DHRS4L2: variants seen among roughly 807,000 people sequenced by gnomAD.
DHRS4L2 encodes dehydrogenase/reductase 4 like 2, also known as dehydrogenase/reductase SDR family member 4-like 2.
A neutral mutation model predicts 23.9 loss-of-function variants in DHRS4L2; 22 were observed. The observed-to-expected ratio is 0.92, with a 90% CI of 0.66 to 1.31. DHRS4L2 has a LOEUF of 1.31. Among genes scored for constraint, DHRS4L2 ranks in the 40% most tolerant of loss-of-function variants. The pLI is 0.00. For missense variants in DHRS4L2, 385 were observed against 303.3 expected, an observed-to-expected ratio of 1.27 and a Z score of -2.00; for synonymous variants, 141 against 123.7, an observed-to-expected ratio of 1.14 and a Z score of -0.93.
rs1375128179 is a variant in DHRS4L2 at position 23,989,144 on chromosome 14, G to T, written c.128+69G>T. The T allele has an allele frequency of 4.6e-6, 7 of 1,535,576 alleles. No individual in the cohort carries two copies. In the South Asian group the frequency reaches 8.5e-5, roughly 19 times the overall value. On this transcript the variant is annotated intron_variant, in intron 1 of 7. Transcript: ENST00000335125. ...AACATGCACTGGTGTCTCGTCCTTT[G>T]CCTCCAGTGCCCCTGTCCTCAGACC...
chr14:23,989,233 C>G (rs914410117), intron 1 of DHRS4L2, among the ~76,000 whole-genome samples, 158 bp downstream of exon 1: 1 of 147,602 alleles, frequency 6.8e-6, no homozygotes, highest in Non-Finnish European at 1.5e-5. Flanking sequence ...GAAGCCCCTC[C>G]GAATACCCTG....
In DHRS4L2 at chr14:24,006,012, C is replaced by G. The variant is rs1457855748; in HGVS notation, c.*149C>G. On this transcript the variant is annotated 3_prime_UTR_variant, in exon 8 of 8. Transcript: ENST00000335125. Reference sequence around the variant, plus strand: ...CGTCCCGCCTCTGAGGACCGGGAGACAGCCCACAGGCCAGAGTTGGGCTCT... The same window carrying G: ...CGTCCCGCCTCTGAGGACCGGGAGAGAGCCCACAGGCCAGAGTTGGGCTCT... 2.5e-6 allele frequency: 4 copies of G among 1,604,140 alleles called. No individual in the cohort carries two copies. The highest frequency in any genetic ancestry group is 3.4e-6 in the Non-Finnish European group (4 of 1,176,088).
At chr14:23,986,507 TAAA>T (rs33932387), upstream of DHRS4L2, among the ~76,000 whole-genome samples, 4 of 133,654 alleles carry the variant, frequency 3.0e-5, no homozygotes, top group East Asian at 4.0e-4. Flanking sequence ...TAAAGTATAA[TAAA>T]AAAAAAAAAA....
intron 1 of DHRS4L2, among the ~76,000 whole-genome samples, chr14:23,982,213 T>G (rs10140294): frequency 0.19 from 29,052 of 151,544 alleles, 3,376 homozygotes; most frequent in South Asian, 0.25. Context: ...ATTGTGCCCC[T>G]GATTTATTGA....
Position 23,988,975 on chromosome 14 carries a change from T to A in DHRS4L2, c.28T>A (p.Cys10Ser), listed in dbSNP as rs143897302. The A allele has an allele frequency of 5.0e-6, 8 of 1,612,034 alleles. No homozygotes were observed. In the African/African-American group the frequency reaches 8.0e-5, roughly 16 times the overall value. The part of the protein sequence containing the change: MQMARLLGL[C>S]AWARKSVRMA... ...GCAGATGGCCAGGCTGCTAGGCCTC[T>A]GTGCCTGGGCACGGAAGTCGGTGCG... The change falls in exon 1 of 8, where the codon TGT becomes AGT. Residue 10 changes from cysteine to serine, a missense_variant. By Grantham distance (112) the Cys-to-Ser change is moderately radical (BLOSUM62 -1). Coordinates refer to ENST00000335125, the MANE Select transcript of DHRS4L2 (RefSeq NM_198083.4).
At chr14:23,978,111 G>T (rs1156529338) in intron 1 of DHRS4L2, among the ~76,000 whole-genome samples, 4 of 151,296 alleles carry the variant, frequency 2.6e-5, no homozygotes, top group African/African-American at 9.8e-5. Flanking sequence ...TATTATTTTA[G>T]GTTGACAAAT....
intron 1 of DHRS4L2, among the ~76,000 whole-genome samples, chr14:23,972,729 T>C (rs926477373): frequency 1.4e-4 from 22 of 152,104 alleles, no homozygotes; most frequent in African/African-American, 5.1e-4. Context: ...CCGGCACCGG[T>C]CTCTGAATTC....
chr14:23,970,000 C>G (rs141737044), exon 1 of DHRS4L2: 2 of 455,046 alleles, frequency 4.4e-6, no homozygotes, highest in Non-Finnish European at 8.8e-6. Context: ...CCTCACCGCC[C>G]GGGCTTTACT....
At chr14:23,981,711 C>T (rs941130649) in intron 1 of DHRS4L2, among the ~76,000 whole-genome samples, 1 of 151,676 alleles carries the variant, frequency 6.6e-6, no homozygotes, top group African/African-American at 2.4e-5. Flanking sequence ...AGGAATGCAG[C>T]AGAAGAGCAG....
intron 3 of DHRS4L2, among the ~76,000 whole-genome samples, chr14:23,995,616 T>C (rs748934465): frequency 5.9e-5 from 9 of 151,762 alleles, no homozygotes; most frequent in Admixed American, 2.0e-4. Flanking sequence ...TTTAAAAAAA[T>C]AAAATAAAAA....
rs1435139295 is a variant in DHRS4L2, at chr14:24,000,968, G to A, written c.479+35G>A. 25 of 1,611,302 alleles carry A rather than the reference G, an allele frequency of 1.6e-5. 1 individual carries two copies. The highest frequency in any genetic ancestry group is 4.1e-5 in the African/African-American group (3 of 73,422). ...GTGAGAGAGAGCCTGGGTGAGAGGGGACCCCACACAGGCTGAGGGCAGTGG... is the reference window on the plus strand; with the variant it reads ...GTGAGAGAGAGCCTGGGTGAGAGGGAACCCCACACAGGCTGAGGGCAGTGG... On this transcript the variant is annotated intron_variant, in intron 4 of 7. Transcript: ENST00000335125.
In DHRS4L2 at chr14:24,001,444, A is replaced by T. The variant is rs756556457; in HGVS notation, c.592A>T (p.Ile198Leu). Residue 198 changes from isoleucine to leucine, a missense_variant, in exon 6 of 8, where the codon ATA (isoleucine) becomes TTA (leucine). Coordinates refer to ENST00000335125, the MANE Select transcript of DHRS4L2 (RefSeq NM_198083.4). ...ALLGLNNTLA[I>L]ELAPRNIRVN... ...GCTGGGCCTCAACAATACCCTGGCCATAGAGCTGGCCCCAAGGAACATTAG... is the reference window on the plus strand; with the variant it reads ...GCTGGGCCTCAACAATACCCTGGCCTTAGAGCTGGCCCCAAGGAACATTAG... The T allele has an allele frequency of 2.5e-6, 4 of 1,607,448 alleles. No homozygotes were observed. Among genetic ancestry groups the T allele is most frequent in the Non-Finnish European group, 3.4e-6 (4 of 1,179,328 alleles).
chr14:23,996,924 C>A (rs544927192), intron 3 of DHRS4L2, among the ~76,000 whole-genome samples: 1 of 152,088 alleles, frequency 6.6e-6, no homozygotes, highest in African/African-American at 2.4e-5. Flanking sequence ...CATGAGCCAC[C>A]ACACACAGCC....
At chr14:23,998,360 G>A (rs1445318222) in intron 3 of DHRS4L2, among the ~76,000 whole-genome samples, 1 of 151,452 alleles carries the variant, frequency 6.6e-6, no homozygotes, top group Non-Finnish European at 1.5e-5. Context: ...AAGAGAATAA[G>A]CCTGTCCTTT....
intron 4 of DHRS4L2, 38 bp downstream of exon 4, chr14:24,000,971 C>T (rs28535492): frequency 6.2e-7 from 1 of 1,609,212 alleles, no homozygotes; most frequent in Non-Finnish European, 8.5e-7. Context: ...GAGAGGGGAC[C>T]CCACACAGGC....
upstream of DHRS4L2, among the ~76,000 whole-genome samples, chr14:23,985,544 C>G (rs1432616061): frequency 6.6e-6 from 1 of 151,440 alleles, no homozygotes; most frequent in Non-Finnish European, 1.5e-5. Flanking sequence ...CGCAGGCAGC[C>G]CTTGAAAAGG....
At chr14:23,974,665 C>A (rs751685790) in intron 1 of DHRS4L2, among the ~76,000 whole-genome samples, 13 of 151,812 alleles carry the variant, frequency 8.6e-5, no homozygotes, top group African/African-American at 2.7e-4. Context: ...TGGATAAATT[C>A]TTGGACACAT....
upstream of DHRS4L2, among the ~76,000 whole-genome samples, chr14:23,985,895 G>A (rs1389062830): frequency 6.6e-6 from 1 of 151,204 alleles, no homozygotes; most frequent in Admixed American, 6.6e-5. Context: ...GTAGAGACAG[G>A]GTTTCACCAT....
At position 23,990,284 on chromosome 14, in the gene DHRS4L2, G is replaced by A. The variant is rs60865462; in HGVS notation, c.231G>A (p.Gln77=). 150,079 of 1,611,346 alleles carry A rather than the reference G, an allele frequency of 0.093. 11,172 individuals are homozygous for A. The highest frequency in any genetic ancestry group is 0.26 in the East Asian group (11,554 of 44,838). ...TGGACCAGGCGGTGGCCACGCTGCA[G>A]GGGGAGGGGCTGAGCGTGACGGGCA... The part of the protein sequence containing the change: ...QNVDQAVATL[Q]GEGLSVTGTV... The change falls in exon 2 of 8, where the codon CAG becomes CAA. Residue 77 remains glutamine (Q), a synonymous_variant. Transcript: ENST00000335125.
Sources: gnomAD v4.1 joint callset for allele counts (sites outside exome capture counted in the v4.1 genomes callset) on GRCh38, gnomAD v4.1.1 for gene constraint, MANE v1.5 for transcripts, NCBI Gene and HGNC (gene_info 2026-07-23, HGNC 2026-07-21) for gene names.